Variants in RND1 observed in about 807,000 individuals in gnomAD.
RND1 encodes the protein Rho family GTPase 1, also known as rho-related GTP-binding protein Rho6.
A neutral mutation model predicts 27.1 loss-of-function variants in RND1; 9 were observed. The ratio of observed to expected loss-of-function variants is 0.33; its 90% CI spans 0.20 to 0.58. The LOEUF (loss-of-function observed/expected upper bound fraction) is 0.58, where lower values mean the gene tolerates loss of function less well. Among genes scored for constraint, RND1 ranks in the 20% least tolerant of loss-of-function variants. The pLI is 0.86. For synonymous variants in RND1, 108 were observed against 115.7 expected (o/e 0.93, Z 0.43); for missense variants, 253 against 292.2 (o/e 0.87, Z 0.98).
At chr12:48,865,115 G>T (rs1180812017) in intron 1 of RND1, among the ~76,000 whole-genome samples, 2 of 151,874 alleles carry the variant, frequency 1.3e-5, no homozygotes, top group Non-Finnish European at 2.9e-5. Flanking sequence ...TATCCTAGGC[G>T]ATCAGGGACA....
intron 2 of RND1, among the ~76,000 whole-genome samples, chr12:48,862,364 C>T (rs1938929622): frequency 6.6e-6 from 1 of 152,112 alleles, no homozygotes; most frequent in East Asian, 1.9e-4. Context: ...ATAATTTGGC[C>T]CTGTTTGGGT....
chr12:48,864,905 C>T (rs750296191), intron 1 of RND1, 35 bp from the exon 2 acceptor site: 2 of 1,489,850 alleles, frequency 1.3e-6, no homozygotes, highest in East Asian at 2.3e-5. Flanking sequence ...CCCCATGCAC[C>T]CCTACCCTCA....
intron 2 of RND1, among the ~76,000 whole-genome samples, chr12:48,862,713 AG>A (rs1938932661): frequency 6.6e-6 from 1 of 152,164 alleles, no homozygotes; most frequent in South Asian, 2.1e-4. Flanking sequence ...CCCACATCTC[AG>A]GAAGGCAGTC....
rs530400639 is a variant in RND1, at chr12:48,865,634, G to A, written c.120+14C>T. 22 of 1,608,366 alleles carry A rather than the reference G, an allele frequency of 1.4e-5. No individual in the cohort carries two copies. The African/African-American group carries it at 1.6e-4, about 12-fold the overall frequency. On this transcript the variant is annotated intron_variant, in intron 1 of 4. Transcript: ENST00000309739. ...AGGGAGAAAAGCCGGCCAGCGGGCG[G>A]GCGGGCAGCTCACCTCTGGATAGCA... is the stretch of plus-strand genomic sequence containing the variant.
rs1206294244 is a variant in RND1, at chr12:48,857,829, C to G, written c.*167G>C. On this transcript the variant is annotated 3_prime_UTR_variant, in exon 5 of 5. Transcript: ENST00000309739. The stretch of plus-strand genomic sequence containing the variant: ...CTCTCTCAGCGTCAGGTCCTCATGC[C>G]GGGCCTGGCTCCTTCCTCGCCCCAT... 3 of 723,326 alleles carry G rather than the reference C, an allele frequency of 4.1e-6. No homozygotes were observed. Among genetic ancestry groups the G allele is most frequent in the East Asian group, 3.1e-5 (1 of 32,626 alleles). 44.8% of individuals were successfully genotyped at this position (723,326 alleles called of 1,614,324 possible).
At chr12:48,864,410 T>TGCGC (rs1480813285) in intron 2 of RND1, among the ~76,000 whole-genome samples, 11 of 117,870 alleles carry the variant, frequency 9.3e-5, no homozygotes, top group African/African-American at 2.6e-4. Flanking sequence ...TGTGTGTGTG[T>TGCGC]GTGTGTGCGC....
chr12:48,857,299 GTC>G lies in RND1; in HGVS notation c.*695_*696del, dbSNP rs1463511620. ...CTGTACTACCCTAAGGGCAGAAAAA[GTC>G]TGGTGACCCCCACCCAGCCCTGCCC... On this transcript the variant is annotated 3_prime_UTR_variant, in exon 5 of 5. Coordinates refer to ENST00000309739, the MANE Select transcript of RND1 (RefSeq NM_014470.4). The G allele has an allele frequency of 6.6e-5, 8 of 121,112 alleles. No individual in the cohort carries two copies. The highest frequency in any genetic ancestry group is 2.6e-4 in the African/African-American group (8 of 30,300). The allele number at this position is 121,112 out of a possible 1,614,324, so 7.5% of individuals were successfully genotyped here.
At chr12:48,860,391 CCTTTT>C (rs1042060496) in intron 4 of RND1, among the ~76,000 whole-genome samples, 3 of 151,656 alleles carry the variant, frequency 2.0e-5, no homozygotes, top group Admixed American at 6.6e-5. Context: ...TGCCCCTCCT[CCTTTT>C]CTTTTTTTTT....
chr12:48,865,452 G>T (rs748179821), intron 1 of RND1, 196 bp downstream of exon 1: 3 of 626,826 alleles, frequency 4.8e-6, no homozygotes, highest in Non-Finnish European at 8.5e-6. Flanking sequence ...CGGGGCGGCA[G>T]AAGTGGAACA....
Position 48,865,747 on chromosome 12 carries a change from G to A in RND1, c.21C>T (p.Pro7=). 6.2e-7 allele frequency: 1 copy of A among 1,606,136 alleles called. No homozygotes were observed. Among genetic ancestry groups the A allele is most frequent in the Non-Finnish European group, 8.5e-7 (1 of 1,174,076 alleles). MKERRA[P]QPVVARCKLV... ...GCTTACATCTGGCCACGACTGGCTG[G>A]GGGGCCCGTCTCTCCTTCATGGTTG... is the stretch of plus-strand genomic sequence containing the variant. The change falls in exon 1 of 5, where the codon CCC becomes CCT. Residue 7 remains proline, a synonymous_variant. Transcript: ENST00000309739.
rs1486060859 is a variant in RND1, at chr12:48,857,316, C to G, written c.*680G>C. On this transcript the variant is annotated 3_prime_UTR_variant, in exon 5 of 5. Coordinates refer to ENST00000309739, the MANE Select transcript of RND1 (RefSeq NM_014470.4). ...CAGAAAAAGTCTGGTGACCCCCACC[C>G]AGCCCTGCCCCTGCAGCACCACCAC... 6.6e-6 allele frequency: 1 copy of G among 152,086 alleles called. No individual in the cohort carries two copies. Among genetic ancestry groups the G allele is most frequent in the Non-Finnish European group, 1.5e-5 (1 of 67,978 alleles). 9.4% of individuals were successfully genotyped at this position (152,086 alleles called of 1,614,324 possible).
intron 3 of RND1, among the ~76,000 whole-genome samples, chr12:48,861,804 G>A (rs982524979): frequency 6.6e-6 from 1 of 152,186 alleles, no homozygotes; most frequent in Non-Finnish European, 1.5e-5. Context: ...GGCAGCATGG[G>A]ATAACAAAAA....
At chr12:48,865,100 C>T (rs1938970135) in intron 1 of RND1, among the ~76,000 whole-genome samples, 1 of 152,018 alleles carries the variant, frequency 6.6e-6, no homozygotes, top group South Asian at 2.1e-4. Context: ...GGGGTAAGCC[C>T]CCCATATCCT....
In RND1 at chr12:48,858,163, T is replaced by C. The variant is rs760955311; in HGVS notation, c.532A>G (p.Ser178Gly). 10 of 1,613,996 alleles carry C rather than the reference T, an allele frequency of 6.2e-6. No individual in the cohort carries two copies. Among genetic ancestry groups the C allele is most frequent in the Admixed American group, 5.0e-5 (3 of 59,992 alleles). Residue 178 changes from serine (S) to glycine (G), a missense_variant, in exon 5 of 5, where the codon AGC becomes GGC. Coordinates refer to ENST00000309739, the MANE Select transcript of RND1 (RefSeq NM_014470.4). Reference protein sequence around the residue: ...SAFTSEKSIHSIFRTASMLCL... With the variant: ...SAFTSEKSIHGIFRTASMLCL... Reference sequence around the variant, plus strand: ...AGCATGGATGCCGTCCGAAAGATGCTGTGGATGCTCTTTTCTGAGGTGAAA... The same window carrying C: ...AGCATGGATGCCGTCCGAAAGATGCCGTGGATGCTCTTTTCTGAGGTGAAA...
At chr12:48,859,966 C>T (rs1287226862) in intron 4 of RND1, among the ~76,000 whole-genome samples, 4 of 151,892 alleles carry the variant, frequency 2.6e-5, no homozygotes, top group East Asian at 3.9e-4. Context: ...TTTGTAGAGA[C>T]GGGGTTTCAC....
chr12:48,864,416 T>TGTGTGTGCGC (rs141121524), intron 2 of RND1, among the ~76,000 whole-genome samples: 2,122 of 135,490 alleles, frequency 0.016, 48 homozygotes, highest in African/African-American at 0.052. Context: ...TGTGTGTGTG[T>TGTGTGTGCGC]GCGCGCGCGC....
intron 2 of RND1, among the ~76,000 whole-genome samples, chr12:48,864,462 G>C (rs1172338288): frequency 6.6e-6 from 1 of 151,168 alleles, no homozygotes; most frequent in African/African-American, 2.4e-5. Context: ...TGCATGTTGG[G>C]TGGTAGGGAA....
At chr12:48,865,506 G>T (rs762967106) in intron 1 of RND1, 142 bp downstream of exon 1, 16 of 968,594 alleles carry the variant, frequency 1.7e-5, no homozygotes, top group Non-Finnish European at 1.4e-5. Context: ...CAGCCAAAAA[G>T]CAGCTGAGGA....
intron 2 of RND1, among the ~76,000 whole-genome samples, chr12:48,863,631 A>C (rs1938947454): frequency 6.6e-6 from 1 of 152,286 alleles, no homozygotes; most frequent in Admixed American, 6.5e-5. Flanking sequence ...AAACTGCAAC[A>C]GGGAAAAGCA....
Sources: gnomAD v4.1 joint callset for allele counts (sites outside exome capture counted in the v4.1 genomes callset) on GRCh38, gnomAD v4.1.1 for gene constraint, MANE v1.5 for transcripts, NCBI Gene and HGNC (gene_info 2026-07-23, HGNC 2026-07-21) for gene names.